The following TNRC6A variants were observed in gnomAD, a reference collection of about 807,000 sequenced individuals.
TNRC6A encodes trinucleotide repeat-containing gene 6A protein.
Under a neutral mutation model 221.2 loss-of-function variants are expected in TNRC6A, and 44 were observed. The ratio of observed to expected loss-of-function variants is 0.20; its 90% CI spans 0.16 to 0.26. The LOEUF (loss-of-function observed/expected upper bound fraction) is 0.26, where lower values mean the gene tolerates loss of function less well. Ranked by LOEUF, TNRC6A falls within the 10% of genes least tolerant of loss-of-function variation. The pLI is 1.00. For missense variants in TNRC6A, 2,199 were observed against 2,404.4 expected (o/e 0.91, Z 1.79); for synonymous variants, 847 against 838.5 (o/e 1.01, Z -0.18).
At chr16:24,779,638 A>G (rs1290637962) in intron 5 of TNRC6A, among the ~76,000 whole-genome samples, 4 of 152,176 alleles carry the variant, frequency 2.6e-5, no homozygotes, top group African/African-American at 9.7e-5. Flanking sequence ...TCTTTTACAG[A>G]GTAGATAGTA....
In TNRC6A at chr16:24,790,784, T is replaced by G; in HGVS notation, c.2142T>G (p.Asp714Glu). The G allele has an allele frequency of 6.2e-7, 1 of 1,614,108 alleles. No individual in the cohort carries two copies. Among genetic ancestry groups the G allele is most frequent in the South Asian group, 1.1e-5 (1 of 91,076 alleles). Residue 714 changes from aspartate (D) to glutamate (E), a missense_variant, in exon 6 of 25, where the codon GAT (aspartate) becomes GAG (glutamate). By Grantham distance (45) the Asp-to-Glu change is conservative (BLOSUM62 2). This residue lies in a region of TNRC6A where 1,405 missense variants were observed against 1,400.2 expected (regional missense o/e 1.00). Transcript: ENST00000395799. ...LQSIVNRTDL[D>E]PRVLSNSGWG... Reference sequence around the variant, plus strand: ...GCATTGTAAACAGAACTGACTTAGATCCACGTGTCCTGTCCAACTCTGGTT... The same window carrying G: ...GCATTGTAAACAGAACTGACTTAGAGCCACGTGTCCTGTCCAACTCTGGTT...
At chr16:24,808,182 AGTG>A (rs1567508961) in intron 17 of TNRC6A, among the ~76,000 whole-genome samples, 1 of 152,240 alleles carries the variant, frequency 6.6e-6, no homozygotes, top group East Asian at 1.9e-4. Flanking sequence ...TTGTCTCATC[AGTG>A]AAGGGAGCTG....
chr16:24,711,149 AC>A (rs1427472740), intron 2 of TNRC6A, among the ~76,000 whole-genome samples: 3 of 152,036 alleles, frequency 2.0e-5, no homozygotes, highest in Non-Finnish European at 4.4e-5. Flanking sequence ...TGCTGGGATT[AC>A]AGGCGCGCAT....
In TNRC6A at chr16:24,789,117, G is replaced by A. The variant is rs2058038172; in HGVS notation, c.590-115G>A. The stretch of plus-strand genomic sequence containing the variant: ...ACCATTCTGCCAAGGATCATAGCTT[G>A]TTAAATTGAGGAGCCACATATATTT... On this transcript the variant is annotated intron_variant, in intron 5 of 24. Coordinates refer to ENST00000395799, the MANE Select transcript of TNRC6A (RefSeq NM_014494.4). 5 of 1,070,650 alleles carry A rather than the reference G, an allele frequency of 4.7e-6. No homozygotes were observed. In the South Asian group the frequency reaches 8.8e-5, roughly 19 times the overall value. 66.3% of individuals were successfully genotyped at this position (1,070,650 alleles called of 1,614,324 possible).
chr16:24,612,678 T>C (rs1016711224), intron 1 of TNRC6A, among the ~76,000 whole-genome samples: 31 of 151,102 alleles, frequency 2.1e-4, no homozygotes, highest in African/African-American at 7.6e-4. Flanking sequence ...GCCCAGGAGG[T>C]CGAGGCTGCA....
intron 2 of TNRC6A, among the ~76,000 whole-genome samples, chr16:24,701,118 G>C (rs2055965278): frequency 6.6e-6 from 1 of 152,234 alleles, no homozygotes; most frequent in African/African-American, 2.4e-5. Context: ...CAATTATCCA[G>C]AGAGCACGAG....
intron 22 of TNRC6A, 44 bp downstream of exon 22, chr16:24,820,404 A>G (rs1362798996): frequency 1.3e-6 from 2 of 1,566,800 alleles, no homozygotes; most frequent in East Asian, 2.2e-5. Context: ...TTATTTGCTA[A>G]ACGCTAACCA....
chr16:24,715,359 G>A (rs942835883), intron 2 of TNRC6A, among the ~76,000 whole-genome samples: 4 of 152,170 alleles, frequency 2.6e-5, no homozygotes, highest in African/African-American at 9.7e-5. Context: ...ACAGGCATGA[G>A]CCACCATACC....
At chr16:24,651,538 C>CAAAAAAAAAAAAAAAAAAAAAAAAAAAA in intron 2 of TNRC6A, among the ~76,000 whole-genome samples, 1 of 48,754 alleles carries the variant, frequency 2.1e-5, no homozygotes, top group Non-Finnish European at 4.0e-5. Context: ...AACTCCATCT[C>CAAAAAAAAAAAAAAAAAAAAAAAAAAAA]AAAAAAAAAA....
In TNRC6A at chr16:24,613,438, C is replaced by CATTTTATTTTATTTTATTTT. The variant is rs869133147; in HGVS notation, n.276+3029_276+3048dup. ...TGGGATCAATGAGCAACTATTAAAG[C>CATTTTATTTTATTTTATTTT]ATTTTATTTTATTTTATTTTATTTT... On this transcript the variant is annotated intron_variant and non_coding_transcript_variant, in intron 1 of 2. Coordinates refer to the TNRC6A transcript ENST00000566108. Among the ~76,000 whole-genome samples, 13 of 107,132 alleles carry CATTTTATTTTATTTTATTTT rather than the reference C, an allele frequency of 1.2e-4. No homozygotes were observed. In the East Asian group the frequency reaches 1.7e-3, roughly 14 times the overall value. 70.3% of individuals were successfully genotyped at this position (107,132 alleles called of 152,430 possible). A position where few individuals can be genotyped will look rare whatever the true frequency, so the allele number is the denominator to read the frequency against.
intron 4 of TNRC6A, among the ~76,000 whole-genome samples, chr16:24,758,737 C>T (rs1251948353): frequency 6.6e-6 from 1 of 152,082 alleles, no homozygotes; most frequent in Non-Finnish European, 1.5e-5. Context: ...GTTCTGCCTC[C>T]TTTATTTCTT....
At chr16:24,726,164 G>A (rs1460782672), upstream of TNRC6A, among the ~76,000 whole-genome samples, 1 of 152,086 alleles carries the variant, frequency 6.6e-6, no homozygotes, top group Non-Finnish European at 1.5e-5. Context: ...GGGTACACAG[G>A]TGAGACAACG....
chr16:24,742,648 G>T (rs149576808), intron 2 of TNRC6A, among the ~76,000 whole-genome samples: 1 of 152,288 alleles, frequency 6.6e-6, no homozygotes, highest in Non-Finnish European at 1.5e-5. Context: ...ATGTCTGGGC[G>T]CAGTGGCTCA....
At chr16:24,763,606 C>G (rs2057409693) in intron 4 of TNRC6A, among the ~76,000 whole-genome samples, 2 of 152,192 alleles carry the variant, frequency 1.3e-5, no homozygotes. Context: ...ATCCATTATT[C>G]TAAACTCAGG....
chr16:24,670,662 G>T (rs997607314), intron 2 of TNRC6A, among the ~76,000 whole-genome samples: 1 of 152,042 alleles, frequency 6.6e-6, no homozygotes, highest in Admixed American at 6.6e-5. Flanking sequence ...CCCAGCCTCC[G>T]ATCTCTCTCA....
intron 4 of TNRC6A, among the ~76,000 whole-genome samples, chr16:24,772,595 G>A (rs956460499): frequency 3.3e-5 from 5 of 152,036 alleles, no homozygotes; most frequent in African/African-American, 1.2e-4. Context: ...GACCAGCCTG[G>A]CCAATGGCAA....
At chr16:24,664,807 A>G in intron 2 of TNRC6A, 1 of 446,868 alleles carries the variant, frequency 2.2e-6, no homozygotes, top group South Asian at 1.6e-5. Flanking sequence ...ACACACACAC[A>G]CACACAAAAC....
rs916237997 is a variant in TNRC6A at position 24,745,803 on chromosome 16, C to G, written c.54-4923C>G. Among the ~76,000 whole-genome samples, 15 of 148,230 alleles carry G rather than the reference C, an allele frequency of 1.0e-4. 2 individuals are homozygous for G. Among genetic ancestry groups the G allele is most frequent in the African/African-American group, 3.0e-4 (12 of 40,016 alleles). Reference sequence around the variant, plus strand: ...ACTACAGGTATGTACCATCCCCCCCCCCCCCAGCTAATTGTTAGGATATTT... The same window carrying G: ...ACTACAGGTATGTACCATCCCCCCCGCCCCCAGCTAATTGTTAGGATATTT... On this transcript the variant is annotated intron_variant, in intron 2 of 24. Coordinates refer to ENST00000395799, the MANE Select transcript of TNRC6A (RefSeq NM_014494.4).
intron 11 of TNRC6A, among the ~76,000 whole-genome samples, chr16:24,801,533 CTTTTT>C (rs34391039): frequency 8.2e-6 from 1 of 121,594 alleles, no homozygotes; most frequent in South Asian, 2.6e-4. Flanking sequence ...ATGCTACTCT[CTTTTT>C]TTTTTTTTTT....
Sources: allele counts gnomAD v4.1 joint callset (sites outside exome capture counted in the v4.1 genomes callset), GRCh38; gene constraint gnomAD v4.1.1; regional missense constraint gnomAD v4.1.1; transcripts MANE v1.5; gene names NCBI Gene and HGNC (gene_info 2026-07-23, HGNC 2026-07-21).